NELL1: variants seen among roughly 807,000 people sequenced by gnomAD.
NELL1 encodes protein kinase C-binding protein NELL1.
NELL1 carries 76 observed loss-of-function variants against 107.4 expected under a neutral mutation model. The ratio of observed to expected loss-of-function variants is 0.71; its 90% CI spans 0.59 to 0.86. NELL1 has a LOEUF of 0.86. Ranked by LOEUF, NELL1 falls within the 40% of genes least tolerant of loss-of-function variation. The pLI is 0.00. For synonymous variants in NELL1, 353 were observed against 341.2 expected (o/e 1.03, Z -0.38); for missense variants, 1,024 against 1,005.5 (o/e 1.02, Z -0.25).
chr11:20,670,224 G>A (rs962014146), intron 1 of NELL1, among the ~76,000 whole-genome samples: 2 of 152,190 alleles, frequency 1.3e-5, no homozygotes, highest in African/African-American at 4.8e-5. Flanking sequence ...GCTTCCGGCT[G>A]GCGGGCGCGG....
rs1854556894 is a variant in NELL1 at position 21,483,954 on chromosome 11, C to G, written c.1646-50420C>G. Among the ~76,000 whole-genome samples the G allele has an allele frequency of 2.3e-5, 3 of 130,524 alleles. No homozygotes were observed. In the East Asian group the frequency reaches 6.5e-4, roughly 28 times the overall value. 85.6% of individuals were successfully genotyped at this position (130,524 alleles called of 152,430 possible). A position where few individuals can be genotyped will look rare whatever the true frequency, so the allele number is the denominator to read the frequency against. On this transcript the variant is annotated intron_variant, in intron 15 of 19. Transcript: ENST00000357134. ...ACCACCCAATATTCCAATAACCAAA[C>G]AATATCCCATTATTTGGGTATCCTA...
chr11:20,855,246 T>C (rs980721523), intron 4 of NELL1, among the ~76,000 whole-genome samples: 3 of 151,792 alleles, frequency 2.0e-5, no homozygotes, highest in Admixed American at 6.6e-5. Flanking sequence ...CAAAGAGAGA[T>C]AGAAGGTGAA....
chr11:20,932,591 T>G (rs1311843481), intron 9 of NELL1, among the ~76,000 whole-genome samples: 1 of 152,210 alleles, frequency 6.6e-6, no homozygotes, highest in Non-Finnish European at 1.5e-5. Context: ...AGGCACTGTG[T>G]TTAACCATTT....
At chr11:21,546,012 C>T (rs967487300) in intron 16 of NELL1, among the ~76,000 whole-genome samples, 7 of 151,884 alleles carry the variant, frequency 4.6e-5, no homozygotes, top group Non-Finnish European at 1.0e-4. Context: ...CACTGAAAGC[C>T]CTCAGAACAC....
rs537649210 is a variant in NELL1, at chr11:21,546,855, C to T, written c.1786+12341C>T. 1.2e-3 allele frequency among the ~76,000 whole-genome samples: 182 copies of T among 152,060 alleles called. 2 individuals are homozygous for T. Among genetic ancestry groups the T allele is most frequent in the Admixed American group, 2.3e-3 (35 of 15,248 alleles). ...TACTCAAGCTGCTGTGAAATATTTA[C>T]CTGTGGGTTTATGAGCAGGGAATAT... is the stretch of plus-strand genomic sequence containing the variant. On this transcript the variant is annotated intron_variant, in intron 16 of 19. Transcript: ENST00000357134.
intron 15 of NELL1, among the ~76,000 whole-genome samples, chr11:21,497,671 A>G (rs1290968232): frequency 6.6e-6 from 1 of 152,166 alleles, no homozygotes; most frequent in Non-Finnish European, 1.5e-5. Flanking sequence ...GGTTATAAAT[A>G]TAAATCAAAT....
chr11:21,112,773 G>T (rs1855137603), intron 12 of NELL1, among the ~76,000 whole-genome samples: 1 of 151,974 alleles, frequency 6.6e-6, no homozygotes, highest in African/African-American at 2.4e-5. Flanking sequence ...CAGAACTAGA[G>T]CTCACATTTT....
chr11:21,280,180 C>T (rs972624947), intron 14 of NELL1, among the ~76,000 whole-genome samples: 7 of 152,034 alleles, frequency 4.6e-5, no homozygotes, highest in Non-Finnish European at 1.0e-4. Context: ...TGTAAAATAC[C>T]AAGAGTGAAA....
At chr11:20,760,237 C>G (rs964337146) in intron 2 of NELL1, among the ~76,000 whole-genome samples, 1 of 152,180 alleles carries the variant, frequency 6.6e-6, no homozygotes, top group African/African-American at 2.4e-5. Context: ...GGAGAAATGC[C>G]AACATTTTTG....
intron 15 of NELL1, among the ~76,000 whole-genome samples, chr11:21,485,654 C>T (rs998436042): frequency 3.3e-5 from 5 of 151,778 alleles, no homozygotes; most frequent in Non-Finnish European, 7.4e-5. Context: ...TGAGAGTGGC[C>T]CCGCCCTCCC....
chr11:20,906,619 C>G lies in NELL1; in HGVS notation c.604-11563C>G, dbSNP rs150404789. Reference sequence around the variant, plus strand: ...CAACAAAATACAAATGAACTGAATCCAACAGTGTATTAAAAGGATTATGCA... The same window carrying G: ...CAACAAAATACAAATGAACTGAATCGAACAGTGTATTAAAAGGATTATGCA... On this transcript the variant is annotated intron_variant, in intron 5 of 19. Coordinates refer to ENST00000357134, the MANE Select transcript of NELL1 (RefSeq NM_006157.5). 4.6e-5 allele frequency among the ~76,000 whole-genome samples: 7 copies of G among 152,028 alleles called. 1 individual carries two copies. In the East Asian group the frequency reaches 9.7e-4, roughly 21 times the overall value.
intron 13 of NELL1, among the ~76,000 whole-genome samples, chr11:21,141,433 C>A (rs1855865409): frequency 6.6e-6 from 1 of 152,150 alleles, no homozygotes; most frequent in African/African-American, 2.4e-5. Context: ...TTCTGTTTCA[C>A]TGTGTGATCT....
intron 12 of NELL1, among the ~76,000 whole-genome samples, chr11:21,092,824 A>G (rs986918856): frequency 6.6e-5 from 10 of 152,202 alleles, no homozygotes; most frequent in Non-Finnish European, 1.3e-4. Context: ...GCTGATGGGA[A>G]GTAGTTGGGA....
At chr11:20,919,911 A>G (rs1466071470) in intron 7 of NELL1, among the ~76,000 whole-genome samples, 1 of 152,108 alleles carries the variant, frequency 6.6e-6, no homozygotes, top group Non-Finnish European at 1.5e-5. Flanking sequence ...CCACTTAACA[A>G]GCATCTTTTG....
chr11:21,347,007 A>G (rs541180113), intron 14 of NELL1, among the ~76,000 whole-genome samples: 43 of 152,304 alleles, frequency 2.8e-4, no homozygotes, highest in African/African-American at 9.1e-4. Context: ...AATCTTTGGC[A>G]AAAGTTATGT....
chr11:21,113,509 T>C (rs747290245), intron 12 of NELL1, 80 bp from the exon 13 acceptor site: 4 of 1,425,674 alleles, frequency 2.8e-6, no homozygotes, highest in Non-Finnish European at 3.8e-6. Context: ...CATTTATCTT[T>C]TTTAATTTAT....
At chr11:21,278,774 A>T (rs1008159714) in intron 14 of NELL1, among the ~76,000 whole-genome samples, 3 of 152,176 alleles carry the variant, frequency 2.0e-5, no homozygotes, top group African/African-American at 7.2e-5. Context: ...GTGGATATTG[A>T]TAAACTGATT....
chr11:21,489,379 T>TAAAAA (rs1564920374), intron 15 of NELL1, among the ~76,000 whole-genome samples: 1 of 15,812 alleles, frequency 6.3e-5, no homozygotes, highest in Non-Finnish European at 1.1e-4. Flanking sequence ...TGAAAGTATT[T>TAAAAA]CAAAAAAAAA....
chr11:20,882,207 A>C (rs1849422300), intron 4 of NELL1, among the ~76,000 whole-genome samples: 1 of 152,144 alleles, frequency 6.6e-6, no homozygotes, highest in Non-Finnish European at 1.5e-5. Flanking sequence ...GTGATAATTC[A>C]ATTTCTTAGT....
Sources: gnomAD v4.1 joint callset for allele counts (sites outside exome capture counted in the v4.1 genomes callset) on GRCh38, gnomAD v4.1.1 for gene constraint, MANE v1.5 for transcripts, NCBI Gene and HGNC (gene_info 2026-07-23, HGNC 2026-07-21) for gene names.